LMNA: variants seen among roughly 807,000 people sequenced by gnomAD.
LMNA encodes lamin A/C, also known as lamin.
In LMNA, 20 loss-of-function variants were observed where a neutral mutation model predicts 70.4. That is an observed-to-expected ratio of 0.28 (90% CI 0.20 to 0.41). The LOEUF (loss-of-function observed/expected upper bound fraction) is 0.41, where lower values mean the gene tolerates loss of function less well. Ranked by LOEUF, LMNA falls within the 10% of genes least tolerant of loss-of-function variation. The pLI, the probability that LMNA is intolerant of heterozygous loss-of-function variation, is 1.00. For missense variants in LMNA, 652 were observed against 917.2 expected, an observed-to-expected ratio of 0.71 and a Z score of 3.73; for synonymous variants, 339 against 372.8, an observed-to-expected ratio of 0.91 and a Z score of 1.04.
Position 156,115,355 on chromosome 1 carries a change from G to A in LMNA, c.356+81G>A. 7.9e-7 allele frequency: 1 copy of A among 1,262,832 alleles called. No individual in the cohort carries two copies. The highest frequency in any genetic ancestry group is 1.1e-6 in the Non-Finnish European group (1 of 896,538). 78.2% of individuals were successfully genotyped at this position (1,262,832 alleles called of 1,614,324 possible). A position where few individuals can be genotyped will look rare whatever the true frequency, so the allele number is the denominator to read the frequency against. On this transcript the variant is annotated intron_variant, in intron 1 of 11. Transcript: ENST00000368300. The surrounding 1 kb of genome is among the most constrained non-coding windows in gnomAD (Gnocchi z 5.8). ...GGCGCCCCTGGCCGGCCGCAGGAAG[G>A]GAGTGAGAGGGCCTGGAGGCCGATA... is the stretch of plus-strand genomic sequence containing the variant.
intron 3 of LMNA, among the ~76,000 whole-genome samples, chr1:156,101,254 C>G (rs1416044641): frequency 6.6e-6 from 1 of 152,056 alleles, no homozygotes; most frequent in Admixed American, 6.6e-5. Flanking sequence ...TTTAGGAGGT[C>G]AAGGTGGAAG....
upstream of LMNA, among the ~76,000 whole-genome samples, chr1:156,111,854 C>T (rs890002861): frequency 3.9e-5 from 6 of 152,236 alleles, no homozygotes; most frequent in Non-Finnish European, 8.8e-5. Context: ...AGCCACCACT[C>T]CCATCACCTC....
Position 156,137,725 on chromosome 1 carries a change from C to T in LMNA, c.1680C>T (p.Asp560=), listed in dbSNP as rs17847249. The change falls in exon 10 of 12, where the codon GAC becomes GAT. Residue 560 remains aspartate, a synonymous_variant. Coordinates refer to ENST00000368300, the MANE Select transcript of LMNA (RefSeq NM_170707.4). This position sits in a 1 kb window ranked among gnomAD's most constrained non-coding sequence, Gnocchi z 4.6. ...VEDDEDEDGD[D]LLHHHHGSHC... ...ACGACGAGGATGAGGATGGAGATGA[C>T]CTGCTCCATCACCACCACGTGAGTG... The T allele has an allele frequency of 1.2e-5, 18 of 1,552,074 alleles. No individual in the cohort carries two copies. The East Asian group carries it at 3.4e-4, about 29-fold the overall frequency.
chr1:156,118,942 ACT>A (rs1384899322), intron 1 of LMNA, among the ~76,000 whole-genome samples: 12 of 151,040 alleles, frequency 7.9e-5, no homozygotes, highest in Admixed American at 2.0e-4. Context: ...TTTCGCCAAT[ACT>A]CTCTCTCTCT....
intron 1 of LMNA, chr1:156,129,684 G>A (rs1650877098): frequency 1.7e-6 from 1 of 604,980 alleles, no homozygotes; most frequent in Non-Finnish European, 3.0e-6. Flanking sequence ...TGGGTTCTCT[G>A]GAGGTTTTTA....
Position 156,138,934 on chromosome 1 carries a change from T to C in LMNA, c.1969-146T>C. The C allele has an allele frequency of 7.9e-7, 1 of 1,260,836 alleles. No individual in the cohort carries two copies. Among genetic ancestry groups the C allele is most frequent in the Non-Finnish European group, 1.1e-6 (1 of 870,702 alleles). 78.1% of individuals were successfully genotyped at this position (1,260,836 alleles called of 1,614,324 possible). On this transcript the variant is annotated intron_variant, in intron 11 of 11. Transcript: ENST00000368300. The surrounding 1 kb of genome is among the most constrained non-coding windows in gnomAD (Gnocchi z 5.5). ...AGCCCACCTCTGCATCCTGCCCCTC[T>C]TGTCTGAGCCCCAGACTGGAGGGCA...
Position 156,117,126 on chromosome 1 carries a change from C to T in LMNA, c.356+1852C>T, listed in dbSNP as rs1649887464. Among the ~76,000 whole-genome samples, 4 of 140,330 alleles carry T rather than the reference C, an allele frequency of 2.9e-5. 1 individual carries two copies. The South Asian group carries it at 8.9e-4, about 31-fold the overall frequency. 92.1% of individuals were successfully genotyped at this position (140,330 alleles called of 152,430 possible). On this transcript the variant is annotated intron_variant, in intron 1 of 11. Coordinates refer to ENST00000368300, the MANE Select transcript of LMNA (RefSeq NM_170707.4). Reference sequence around the variant, plus strand: ...TTAATTTTTAGTAGAGATGGGGTTTCACCATGTTGGCTAGGCTGGTCTCAA... The same window carrying T: ...TTAATTTTTAGTAGAGATGGGGTTTTACCATGTTGGCTAGGCTGGTCTCAA...
At chr1:156,088,280 C>T (rs1648556372) in intron 2 of LMNA, among the ~76,000 whole-genome samples, 1 of 152,140 alleles carries the variant, frequency 6.6e-6, no homozygotes, top group African/African-American at 2.4e-5. Flanking sequence ...ATAGAATGCA[C>T]TCAACACATT....
At chr1:156,111,023 G>A (rs1030969372), upstream of LMNA, among the ~76,000 whole-genome samples, 1 of 152,046 alleles carries the variant, frequency 6.6e-6, no homozygotes, top group African/African-American at 2.4e-5. Flanking sequence ...AGGTGTTAGG[G>A]AGACAGATGA....
At position 156,115,619 on chromosome 1, in the gene LMNA, C is replaced by G. The variant is rs1033121198; in HGVS notation, c.356+345C>G. Among the ~76,000 whole-genome samples the G allele has an allele frequency of 6.6e-6, 1 of 152,226 alleles. No homozygotes were observed. Among genetic ancestry groups the G allele is most frequent in the African/African-American group, 2.4e-5 (1 of 41,464 alleles). On this transcript the variant is annotated intron_variant, in intron 1 of 11. Transcript: ENST00000368300. The surrounding 1 kb of genome is among the most constrained non-coding windows in gnomAD (Gnocchi z 5.8). ...GGGGAGGGGCTTGAGCAAAACAGAA[C>G]TAGCCCTGCCAGCTCGAAGAACTCT...
At position 156,139,820 on chromosome 1, in the gene LMNA, G is replaced by A; in HGVS notation, c.*714G>A. On this transcript the variant is annotated 3_prime_UTR_variant, in exon 12 of 12. Coordinates refer to ENST00000368300, the MANE Select transcript of LMNA (RefSeq NM_170707.4). ...GTGGAAGAAGGGAGAAGAAAGGTGA[G>A]TTTGAGCTGCCTTCCCTAGCTTTAG... The A allele has an allele frequency of 6.5e-7, 1 of 1,529,226 alleles. No individual in the cohort carries two copies. Among genetic ancestry groups the A allele is most frequent in the South Asian group, 1.2e-5 (1 of 83,236 alleles). 94.7% of individuals were successfully genotyped at this position (1,529,226 alleles called of 1,614,324 possible). A position where few individuals can be genotyped will look rare whatever the true frequency, so the allele number is the denominator to read the frequency against.
intron 2 of LMNA, among the ~76,000 whole-genome samples, chr1:156,086,369 G>A (rs1648473621): frequency 6.7e-6 from 1 of 149,856 alleles, no homozygotes; most frequent in South Asian, 2.1e-4. Context: ...TTCCTGTTAA[G>A]CCCTGGAATG....
chr1:156,097,255 C>T (rs568260271), intron 3 of LMNA, among the ~76,000 whole-genome samples: 6 of 152,294 alleles, frequency 3.9e-5, no homozygotes, highest in South Asian at 2.1e-4. Flanking sequence ...CCCCAGGGCC[C>T]GCAAGCAGTG....
chr1:156,108,845 A>AG (rs1054849402), intron 3 of LMNA, among the ~76,000 whole-genome samples: 9 of 152,136 alleles, frequency 5.9e-5, no homozygotes, highest in African/African-American at 1.9e-4. Flanking sequence ...TTTATCCCCC[A>AG]GGGGATGTTA....
Position 156,126,091 on chromosome 1 carries a change from C to T in LMNA, c.357-4526C>T, listed in dbSNP as rs368043775. The T allele has an allele frequency of 2.6e-3, 2,799 of 1,089,222 alleles. 9 individuals are homozygous for T. The highest frequency in any genetic ancestry group is 0.013 in the South Asian group (650 of 48,938). The allele number at this position is 1,089,222 out of a possible 1,614,324, so 67.5% of individuals were successfully genotyped here. On this transcript the variant is annotated intron_variant, in intron 1 of 11. Transcript: ENST00000368300. ...ATACAGGAGAGCATTTGCCACCAGG[C>T]GGACTCCCTGTACCCACCCGGCCAC...
upstream of LMNA, among the ~76,000 whole-genome samples, chr1:156,114,057 GAAA>G (rs891588476): frequency 6.6e-5 from 10 of 150,440 alleles, no homozygotes; most frequent in Admixed American, 3.3e-4. Flanking sequence ...GCAAAAGAAA[GAAA>G]AAAAGGGACC....
chr1:156,100,859 A>AT (rs2102798701), intron 3 of LMNA, among the ~76,000 whole-genome samples: 1 of 152,300 alleles, frequency 6.6e-6, no homozygotes, highest in South Asian at 2.1e-4. Flanking sequence ...GGGAAGACAC[A>AT]CATACACAGA....
chr1:156,133,843 G>A (rs969521958), intron 2 of LMNA, among the ~76,000 whole-genome samples: 3 of 152,076 alleles, frequency 2.0e-5, no homozygotes, highest in Admixed American at 2.0e-4. Flanking sequence ...CTCTCTGTAG[G>A]CCCCGCTAGC....
At position 156,135,367 on chromosome 1, in the gene LMNA, G is replaced by T; in HGVS notation, c.936+55G>T. 1 of 1,582,170 alleles carries T rather than the reference G, an allele frequency of 6.3e-7. No individual in the cohort carries two copies. Among genetic ancestry groups the T allele is most frequent in the Non-Finnish European group, 8.6e-7 (1 of 1,163,420 alleles). ...GGGCCTAGAGTCTGGGCCGGATGCAGGCTGGAAGCCCAGGGTTGGGGGTGG... is the reference window on the plus strand; with the variant it reads ...GGGCCTAGAGTCTGGGCCGGATGCATGCTGGAAGCCCAGGGTTGGGGGTGG... On this transcript the variant is annotated intron_variant, in intron 5 of 11. Transcript: ENST00000368300. This position sits in a 1 kb window ranked among gnomAD's most constrained non-coding sequence, Gnocchi z 4.8.
Sources: gnomAD v4.1 joint callset for allele counts (sites outside exome capture counted in the v4.1 genomes callset) on GRCh38, gnomAD v4.1.1 for gene constraint, Gnocchi (gnomAD v3.1) non-coding constraint, MANE v1.5 for transcripts, NCBI Gene and HGNC (gene_info 2026-07-23, HGNC 2026-07-21) for gene names.